TCF20: variants seen among roughly 807,000 people sequenced by gnomAD.
TCF20 encodes the protein transcription factor 20.
TCF20 carries 3 observed loss-of-function variants against 148.6 expected under a neutral mutation model. The observed-to-expected ratio is 0.02, with a 90% CI of 0.01 to 0.05. TCF20 has a LOEUF of 0.05. Among genes scored for constraint, TCF20 ranks in the 10% least tolerant of loss-of-function variants. The pLI is 1.00. For synonymous variants in TCF20, 1,049 were observed against 909.5 expected (o/e 1.15, Z -2.76); for missense variants, 2,350 against 2,429.3 (o/e 0.97, Z 0.69).
chr22:42,250,064 A>C (rs1925237338), intron 1 of TCF20, among the ~76,000 whole-genome samples: 1 of 152,110 alleles, frequency 6.6e-6, no homozygotes, highest in African/African-American at 2.4e-5. Flanking sequence ...TTTGAGGCTG[A>C]AGTGCACTAT....
chr22:42,287,458 G>C (rs1264826274), upstream of TCF20, among the ~76,000 whole-genome samples: 2 of 152,216 alleles, frequency 1.3e-5, no homozygotes, highest in African/African-American at 4.8e-5. Flanking sequence ...CTAGAGCCTA[G>C]GCTTTTAACC....
chr22:42,263,823 C>T (rs1212896433), intron 1 of TCF20, among the ~76,000 whole-genome samples: 1 of 152,090 alleles, frequency 6.6e-6, no homozygotes, highest in East Asian at 1.9e-4. Context: ...TTCCTTTTTC[C>T]ACTCAAGAGC....
intron 1 of TCF20, among the ~76,000 whole-genome samples, chr22:42,295,605 G>A (rs573903676): frequency 2.6e-5 from 4 of 152,116 alleles, no homozygotes; most frequent in Admixed American, 6.5e-5. Context: ...CACCACGCCC[G>A]GCTAATTTTG....
chr22:42,298,116 A>C (rs955670698), intron 1 of TCF20, among the ~76,000 whole-genome samples: 3 of 152,250 alleles, frequency 2.0e-5, no homozygotes, highest in African/African-American at 7.2e-5. Flanking sequence ...AAAGTCACAC[A>C]GCTGATCAGG....
At chr22:42,280,988 T>G (rs1161756949) in intron 1 of TCF20, among the ~76,000 whole-genome samples, 1 of 152,114 alleles carries the variant, frequency 6.6e-6, no homozygotes. Context: ...CTCAGGACGT[T>G]GGCCACCCCT....
chr22:42,309,365 G>A (rs567085110), intron 1 of TCF20, among the ~76,000 whole-genome samples: 2 of 152,170 alleles, frequency 1.3e-5, no homozygotes, highest in Non-Finnish European at 2.9e-5. Flanking sequence ...CAGAGCCTGT[G>A]AACTGCCACA....
intron 1 of TCF20, among the ~76,000 whole-genome samples, chr22:42,315,244 AAAG>A (rs1927607929): frequency 6.6e-6 from 1 of 152,110 alleles, no homozygotes; most frequent in African/African-American, 2.4e-5. Context: ...GAAGCAATGA[AAAG>A]TGGGAGAAGC....
intron 1 of TCF20, among the ~76,000 whole-genome samples, chr22:42,265,899 G>A (rs528549333): frequency 9.7e-4 from 148 of 152,090 alleles, no homozygotes; most frequent in Non-Finnish European, 1.8e-3. Context: ...ACGGAATTAA[G>A]TATGAAAAGA....
chr22:42,210,792 G>T lies in TCF20; in HGVS notation c.4514C>A (p.Pro1505His). The T allele has an allele frequency of 6.2e-7, 1 of 1,614,180 alleles. No homozygotes were observed. Among genetic ancestry groups the T allele is most frequent in the Non-Finnish European group, 8.5e-7 (1 of 1,180,042 alleles). ...CTCTTCAGCCTTGGGGTTTGCCTCA[G>T]GGGCCAATATGCCCACTGGAGGTAC... ...KNVPPVGILA[P>H]EANPKAEEKE... The change falls in exon 2 of 6, where the codon CCT becomes CAT. Residue 1505 changes from proline to histidine, a missense_variant. Coordinates refer to ENST00000677622, the MANE Select transcript of TCF20 (RefSeq NM_001378418.1). This position sits in a 1 kb window ranked among gnomAD's most constrained non-coding sequence, Gnocchi z 4.7.
At chr22:42,229,431 T>C (rs1376440107) in intron 1 of TCF20, among the ~76,000 whole-genome samples, 1 of 152,190 alleles carries the variant, frequency 6.6e-6, no homozygotes, top group African/African-American at 2.4e-5. Flanking sequence ...ATCATTCTTT[T>C]ATTGTTGTTT....
intron 1 of TCF20, among the ~76,000 whole-genome samples, chr22:42,332,474 G>A (rs527505193): frequency 1.3e-5 from 2 of 152,282 alleles, no homozygotes; most frequent in East Asian, 3.9e-4. Context: ...GAGCGGGAGA[G>A]TTCAAATACC....
intron 2 of TCF20, among the ~76,000 whole-genome samples, chr22:42,185,855 G>A (rs900595883): frequency 2.0e-5 from 3 of 152,160 alleles, no homozygotes; most frequent in African/African-American, 7.2e-5. Context: ...AAGACTGAGG[G>A]AATGGGCTCT....
chr22:42,213,896 G>T lies in TCF20; in HGVS notation c.1410C>A (p.Val470=). The change falls in exon 2 of 6, where the codon GTC becomes GTA. Residue 470 remains valine, a synonymous_variant. Coordinates refer to ENST00000677622, the MANE Select transcript of TCF20 (RefSeq NM_001378418.1). ...STQVANLPNT[V]QHMLLSDALT... ...GGGCATCAGAAAGTAACATGTGCTG[G>T]ACAGTGTTAGGAAGATTGGCCACTT... 5.0e-6 allele frequency: 8 copies of T among 1,614,172 alleles called. No individual in the cohort carries two copies. Among genetic ancestry groups the T allele is most frequent in the Non-Finnish European group, 6.8e-6 (8 of 1,180,032 alleles).
chr22:42,220,687 GC>G (rs1423534467), intron 1 of TCF20, among the ~76,000 whole-genome samples: 1 of 152,098 alleles, frequency 6.6e-6, no homozygotes, highest in East Asian at 1.9e-4. Flanking sequence ...CAACTGACAG[GC>G]CCCACCACCC....
At chr22:42,250,466 AAAG>A (rs200890675) in intron 1 of TCF20, among the ~76,000 whole-genome samples, 157 of 150,764 alleles carry the variant, frequency 1.0e-3, no homozygotes, top group East Asian at 7.5e-3. Context: ...AAAAAAAAAA[AAAG>A]GTGAACCTTC....
At chr22:42,273,651 CAAAA>C (rs1025812084), upstream of TCF20, among the ~76,000 whole-genome samples, 6 of 151,446 alleles carry the variant, frequency 4.0e-5, no homozygotes, top group African/African-American at 1.5e-4. Context: ...AAAAAACAAA[CAAAA>C]AAACAAAAAC....
chr22:42,210,970 T>C lies in TCF20; in HGVS notation c.4336A>G (p.Lys1446Glu). 3 of 1,614,128 alleles carry C rather than the reference T, an allele frequency of 1.9e-6. No individual in the cohort carries two copies. The highest frequency in any genetic ancestry group is 1.7e-6 in the Non-Finnish European group (2 of 1,180,014). The change falls in exon 2 of 6, where the codon AAG becomes GAG. Residue 1446 changes from lysine to glutamate, a missense_variant. Coordinates refer to ENST00000677622, the MANE Select transcript of TCF20 (RefSeq NM_001378418.1). The surrounding 1 kb of genome is among the most constrained non-coding windows in gnomAD (Gnocchi z 4.7). ...ACTGTTTCTGCATGTGTCTCTGTCT[T>C]CACTTTGTCATCCACGCTGCCACGC... ...EWRGSVDDKV[K>E]TETHAETVTA...
intron 1 of TCF20, among the ~76,000 whole-genome samples, chr22:42,262,810 A>G (rs547129492): frequency 2.0e-5 from 3 of 152,186 alleles, no homozygotes; most frequent in Non-Finnish European, 4.4e-5. Flanking sequence ...CACCTGGTAC[A>G]GCATCTTCTA....
In TCF20 at chr22:42,214,864, C is replaced by T. The variant is rs143676414; in HGVS notation, c.442G>A (p.Gly148Ser). ...TAATCCTGCTGATAATGTGACACAC[C>T]GCCAAGGCCAGAGTGCTGTGCTTGA... ...QFQAQHSGLG[G>S]VSHYQQDYTG... Residue 148 changes from glycine to serine, a missense_variant, in exon 2 of 6, where the codon GGT becomes AGT. Around this residue, in one of 7 missense-constraint regions of TCF20, gnomAD observed 1,641 missense variants for 1,662.6 expected, o/e 0.99. Coordinates refer to ENST00000677622, the MANE Select transcript of TCF20 (RefSeq NM_001378418.1). The T allele has an allele frequency of 3.2e-5, 51 of 1,614,056 alleles. No individual in the cohort carries two copies. Among genetic ancestry groups the T allele is most frequent in the Admixed American group, 1.7e-4 (10 of 60,000 alleles).
Sources: gnomAD v4.1 joint callset for allele counts (sites outside exome capture counted in the v4.1 genomes callset) on GRCh38, gnomAD v4.1.1 for gene constraint, gnomAD v4.1.1 regional missense constraint, Gnocchi (gnomAD v3.1) non-coding constraint, MANE v1.5 for transcripts, NCBI Gene and HGNC (gene_info 2026-07-23, HGNC 2026-07-21) for gene names.